The following ACTR3C variants were observed in gnomAD, a reference collection of about 807,000 sequenced individuals.
ACTR3C encodes actin related protein 3C.
Under a neutral mutation model 26.3 loss-of-function variants are expected in ACTR3C, and 18 were observed. That is an observed-to-expected ratio of 0.68 (90% CI 0.47 to 1.01). The LOEUF (loss-of-function observed/expected upper bound fraction) is 1.01, where lower values mean the gene tolerates loss of function less well. ACTR3C is among the 50% of genes least tolerant of loss of function. ACTR3C has a pLI of 0.00. For missense variants in ACTR3C, 184 were observed against 250.7 expected (o/e 0.73, Z 1.80); for synonymous variants, 55 against 94.5 (o/e 0.58, Z 2.42).
downstream of ACTR3C, among the ~76,000 whole-genome samples, chr7:150,242,805 G>A (rs1832261899): frequency 6.6e-6 from 1 of 152,108 alleles, no homozygotes; most frequent in African/African-American, 2.4e-5. Context: ...AGGGGATTTG[G>A]AATTTGAGAA....
chr7:150,184,107 A>C, the ACTR3C span, among the ~76,000 whole-genome samples: 1 of 150,648 alleles, frequency 6.6e-6, no homozygotes, highest in Non-Finnish European at 1.5e-5. Flanking sequence ...GTGAGAACAG[A>C]CTAATACACA....
chr7:149,999,366 C>T, the ACTR3C span, among the ~76,000 whole-genome samples: 1 of 150,810 alleles, frequency 6.6e-6, no homozygotes, highest in South Asian at 2.2e-4. Flanking sequence ...GGAGCAATAG[C>T]GTTCAATCAG....
chr7:149,961,604 G>A, the ACTR3C span, among the ~76,000 whole-genome samples: 1 of 151,890 alleles, frequency 6.6e-6, no homozygotes, highest in African/African-American at 2.4e-5. Context: ...GTGCTCACAG[G>A]AAGTATACCA....
the ACTR3C span, among the ~76,000 whole-genome samples, chr7:150,037,116 GA>G: frequency 3.2e-5 from 3 of 93,092 alleles, no homozygotes; most frequent in African/African-American, 1.1e-4. Flanking sequence ...AGGGGGGGAA[GA>G]GGGACTGGCT....
the ACTR3C span, among the ~76,000 whole-genome samples, chr7:150,053,289 C>T: frequency 6.6e-6 from 1 of 151,576 alleles, no homozygotes; most frequent in African/African-American, 2.4e-5. Flanking sequence ...ACTTCTGCTC[C>T]AAAGTGCCCC....
chr7:150,170,220 C>T, the ACTR3C span, among the ~76,000 whole-genome samples: 35 of 150,382 alleles, frequency 2.3e-4, no homozygotes, highest in Non-Finnish European at 1.2e-4. Context: ...GTGGGCCCCT[C>T]CACAGGGCAG....
At chr7:150,181,355 GA>G in the ACTR3C span, among the ~76,000 whole-genome samples, 18 of 138,600 alleles carry the variant, frequency 1.3e-4, 2 homozygotes, top group South Asian at 6.7e-4. Flanking sequence ...CTGAAGATAG[GA>G]AAAAAAAAAC....
chr7:150,118,488 A>T, the ACTR3C span, among the ~76,000 whole-genome samples: 21 of 149,742 alleles, frequency 1.4e-4, 1 homozygote, highest in Middle Eastern at 3.4e-3. Context: ...GGTATCAGAG[A>T]TTGAAGATCA....
At chr7:150,135,364 C>G in the ACTR3C span, among the ~76,000 whole-genome samples, 7 of 152,328 alleles carry the variant, frequency 4.6e-5, no homozygotes, top group East Asian at 1.3e-3. Flanking sequence ...CTATTTACAC[C>G]CTTGTCTGTG....
chr7:150,045,512 T>C, the ACTR3C span, among the ~76,000 whole-genome samples: 3,170 of 90,604 alleles, frequency 0.035, no homozygotes, highest in South Asian at 0.058. Context: ...ATCGGGAGTA[T>C]ACTATATAAA....
chr7:150,240,710 G>A (rs1832132007), downstream of ACTR3C, among the ~76,000 whole-genome samples: 1 of 152,160 alleles, frequency 6.6e-6, no homozygotes, highest in Admixed American at 6.6e-5. Context: ...GATGCTAGAT[G>A]TCCTAGCCAG....
At chr7:150,193,346 A>G in the ACTR3C span, among the ~76,000 whole-genome samples, 1 of 146,376 alleles carries the variant, frequency 6.8e-6, no homozygotes, top group Non-Finnish European at 1.5e-5. Context: ...TATCAATTTT[A>G]TTGGTCTTTA....
chr7:150,030,787 C>T, the ACTR3C span, among the ~76,000 whole-genome samples: 5 of 152,032 alleles, frequency 3.3e-5, no homozygotes, highest in Non-Finnish European at 5.9e-5. Context: ...TCACTCCATT[C>T]GCAATGGCAG....
chr7:150,290,814 A>T (rs185588159), intron 3 of ACTR3C, among the ~76,000 whole-genome samples: 226 of 152,362 alleles, frequency 1.5e-3, no homozygotes, highest in Admixed American at 8.8e-3. Flanking sequence ...GCTTTCTAAC[A>T]CATAAACTAT....
At chr7:150,069,790 AAT>A in the ACTR3C span, among the ~76,000 whole-genome samples, 1 of 150,856 alleles carries the variant, frequency 6.6e-6, no homozygotes, top group African/African-American at 2.5e-5. Context: ...GACACTCTGA[AAT>A]ATGTCAGGCT....
the ACTR3C span, among the ~76,000 whole-genome samples, chr7:149,958,426 C>T: frequency 6.6e-6 from 1 of 152,218 alleles, no homozygotes; most frequent in African/African-American, 2.4e-5. Context: ...TGTTCTTGAG[C>T]AGAATTAGTC....
At chr7:150,104,516 T>G in the ACTR3C span, among the ~76,000 whole-genome samples, 1 of 151,668 alleles carries the variant, frequency 6.6e-6, no homozygotes, top group African/African-American at 2.4e-5. Context: ...GGATGTGTCA[T>G]CACAGTGGAG....
chr7:150,289,913 G>A (rs1397754518), intron 3 of ACTR3C, among the ~76,000 whole-genome samples: 2 of 152,154 alleles, frequency 1.3e-5, no homozygotes, highest in African/African-American at 2.4e-5. Context: ...CTGTCTGTAA[G>A]AACACTAAAC....
At chr7:149,990,503 T>C in the ACTR3C span, among the ~76,000 whole-genome samples, 2 of 121,490 alleles carry the variant, frequency 1.6e-5, no homozygotes, top group Admixed American at 1.9e-4. Context: ...TCACATTCTA[T>C]AAACACGCAC....
Sources: gnomAD v4.1 joint callset for allele counts (sites outside exome capture counted in the v4.1 genomes callset) on GRCh38, gnomAD v4.1.1 for gene constraint, MANE v1.5 for transcripts, NCBI Gene and HGNC (gene_info 2026-07-23, HGNC 2026-07-21) for gene names.